INO80C: variants seen among roughly 807,000 people sequenced by gnomAD.
The protein encoded by INO80C is INO80 complex subunit C, also known as IES6 homolog.
Under a neutral mutation model 17.7 loss-of-function variants are expected in INO80C, and 17 were observed. The ratio of observed to expected loss-of-function variants is 0.96; its 90% CI spans 0.66 to 1.44. The LOEUF (loss-of-function observed/expected upper bound fraction) is 1.44, where lower values mean the gene tolerates loss of function less well. Among genes scored for constraint, INO80C ranks in the 40% most tolerant of loss-of-function variants. INO80C has a pLI of 0.00. For synonymous variants in INO80C, 96 were observed against 95.8 expected (o/e 1.00, Z -0.01); for missense variants, 244 against 245.0 (o/e 1.00, Z 0.03).
intron 1 of INO80C, among the ~76,000 whole-genome samples, chr18:35,494,121 T>C (rs1038816527): frequency 1.3e-5 from 2 of 152,200 alleles, no homozygotes; most frequent in Admixed American, 1.3e-4. Context: ...TGAGGAATCA[T>C]CCTCCTGTGT....
intron 1 of INO80C, among the ~76,000 whole-genome samples, chr18:35,494,638 G>C (rs367953496): frequency 6.6e-6 from 1 of 152,258 alleles, no homozygotes; most frequent in Non-Finnish European, 1.5e-5. Context: ...CCAACAACCT[G>C]AATTCACCTG....
At chr18:35,468,889 C>T in intron 4 of INO80C, 147 bp from the exon 5 acceptor site, 1 of 716,630 alleles carries the variant, frequency 1.4e-6, no homozygotes. Context: ...CTAAATCACT[C>T]ACTGTGGCAC....
rs767638344 is a variant in INO80C, at chr18:35,478,298, T to A, written c.431A>T (p.Asp144Val). 2 of 1,601,542 alleles carry A rather than the reference T, an allele frequency of 1.2e-6. No individual in the cohort carries two copies. Among genetic ancestry groups the A allele is most frequent in the South Asian group, 2.2e-5 (2 of 90,262 alleles). ...PSFKPAKKYS[D>V]VSGLLANYTD... ...CATACTCACAAGCAGACCTGAAACA[T>A]CAGAATACTTCTTAGCTGGCTTAAA... is the stretch of plus-strand genomic sequence containing the variant. The change falls in exon 4 of 5, where the codon GAT (aspartate) becomes GTT (valine). Residue 144 changes from aspartate to valine, a missense_variant. By Grantham distance (152) the Asp-to-Val change is radical (BLOSUM62 -3). Transcript: ENST00000334598.
intron 4 of INO80C, among the ~76,000 whole-genome samples, chr18:35,470,483 G>A (rs2144021384): frequency 6.6e-6 from 1 of 152,306 alleles, no homozygotes; most frequent in South Asian, 2.1e-4. Flanking sequence ...TCCTGGCAGT[G>A]AGGGAAGTTA....
At position 35,497,725 on chromosome 18, in the gene INO80C, A is replaced by G; in HGVS notation, c.150T>C (p.Phe50=). The G allele has an allele frequency of 1.2e-6, 2 of 1,611,988 alleles. No homozygotes were observed. Among genetic ancestry groups the G allele is most frequent in the Non-Finnish European group, 1.7e-6 (2 of 1,179,304 alleles). ...TGGGAGCGCGACTGCGTACCTGCGC[A>G]AAGCTGGAAGCGGACGCTTTTTTCT... ...SKKKKASASS[F]AQGISMEAMS... is the part of the protein sequence containing the mutation. The change falls in exon 1 of 5, where the codon TTT becomes TTC. Residue 50 remains phenylalanine (F), a synonymous_variant. Transcript: ENST00000334598.
At chr18:35,469,234 G>A (rs2045640062) in intron 4 of INO80C, among the ~76,000 whole-genome samples, 1 of 152,170 alleles carries the variant, frequency 6.6e-6, no homozygotes, top group Non-Finnish European at 1.5e-5. Context: ...CAACTCTGTA[G>A]TGCATCACCA....
chr18:35,478,403 C>T, intron 3 of INO80C, 54 bp from the exon 4 acceptor site: 2 of 1,330,100 alleles, frequency 1.5e-6, no homozygotes, highest in South Asian at 1.4e-5. Flanking sequence ...CATTCAAATC[C>T]CTTCTCTTTT....
rs2045629297 is a variant in INO80C at position 35,468,518 on chromosome 18, T to C, written c.*93A>G. 6 of 1,584,890 alleles carry C rather than the reference T, an allele frequency of 3.8e-6. No homozygotes were observed. The Admixed American group carries it at 1.1e-4, about 28-fold the overall frequency. ...AGGCACAGCACTGGCATTTTCAGAT[T>C]GACAGCAGAACGAGTTTGTTTCCGT... is the stretch of plus-strand genomic sequence containing the variant. On this transcript the variant is annotated 3_prime_UTR_variant, in exon 5 of 5. Transcript: ENST00000334598.
In INO80C at chr18:35,480,312, A is replaced by T. The variant is rs562947348; in HGVS notation, c.267+141T>A. The stretch of plus-strand genomic sequence containing the variant: ...CAGAAAGAACCCTTCTCTTGTCCCC[A>T]TCTTGCCCATAGGGGAGAAGGAGGT... On this transcript the variant is annotated intron_variant, in intron 2 of 4. Transcript: ENST00000334598. The T allele has an allele frequency of 7.7e-5, 51 of 660,988 alleles. No homozygotes were observed. The East Asian group carries it at 1.3e-3, about 17-fold the overall frequency. The allele number at this position is 660,988 out of a possible 1,614,324, so 40.9% of individuals were successfully genotyped here. A position where few individuals can be genotyped will look rare whatever the true frequency, so the allele number is the denominator to read the frequency against.
intron 1 of INO80C, among the ~76,000 whole-genome samples, chr18:35,483,156 T>C (rs2045833781): frequency 6.6e-6 from 1 of 152,242 alleles, no homozygotes; most frequent in South Asian, 2.1e-4. Context: ...AGTTTTAATT[T>C]TACAACAAAG....
intron 1 of INO80C, among the ~76,000 whole-genome samples, chr18:35,481,070 T>C (rs895191099): frequency 6.6e-6 from 1 of 152,082 alleles, no homozygotes; most frequent in Non-Finnish European, 1.5e-5. Context: ...ACAACAAAGG[T>C]CCAGCCCCTT....
chr18:35,479,153 A>C, intron 3 of INO80C, 147 bp downstream of exon 3: 1 of 596,248 alleles, frequency 1.7e-6, no homozygotes, highest in Admixed American at 3.1e-5. Context: ...ATACACACAT[A>C]ATCTGCCCAG....
At chr18:35,492,972 T>G (rs903759554) in intron 1 of INO80C, among the ~76,000 whole-genome samples, 1 of 152,208 alleles carries the variant, frequency 6.6e-6, no homozygotes, top group African/African-American at 2.4e-5. Flanking sequence ...GAGATCTAAT[T>G]AATAATCTTC....
chr18:35,490,359 T>G (rs2045921677), intron 1 of INO80C, among the ~76,000 whole-genome samples: 1 of 152,096 alleles, frequency 6.6e-6, no homozygotes, highest in African/African-American at 2.4e-5. Flanking sequence ...GCAGGAGAGA[T>G]AACCCTGAGA....
chr18:35,471,018 G>C (rs1041656475), intron 4 of INO80C, among the ~76,000 whole-genome samples: 8 of 152,194 alleles, frequency 5.3e-5, no homozygotes, highest in African/African-American at 1.9e-4. Flanking sequence ...TCATAGCTCT[G>C]TAACGAGTGC....
At chr18:35,489,599 C>T (rs1167255475) in intron 1 of INO80C, among the ~76,000 whole-genome samples, 1 of 152,052 alleles carries the variant, frequency 6.6e-6, no homozygotes, top group East Asian at 1.9e-4. Flanking sequence ...AGGGGCACAG[C>T]CAAACCATAT....
At chr18:35,492,093 T>TTCTG (rs368189994) in intron 1 of INO80C, among the ~76,000 whole-genome samples, 23 of 152,362 alleles carry the variant, frequency 1.5e-4, no homozygotes, top group African/African-American at 5.5e-4. Context: ...AATTTGGACA[T>TTCTG]TCTGTCTGTG....
At chr18:35,472,908 T>C (rs9955182) in intron 4 of INO80C, among the ~76,000 whole-genome samples, 56 of 152,366 alleles carry the variant, frequency 3.7e-4, no homozygotes, top group African/African-American at 1.2e-3. Flanking sequence ...TTCTGTGGGA[T>C]TGTCCTTTAA....
chr18:35,480,652 C>T, intron 1 of INO80C, 89 bp from the exon 2 acceptor site: 1 of 996,758 alleles, frequency 1.0e-6, no homozygotes, highest in Non-Finnish European at 1.6e-6. Context: ...ACGATGATGC[C>T]ACAGGGCATG....
Sources: allele counts gnomAD v4.1 joint callset (sites outside exome capture counted in the v4.1 genomes callset), GRCh38; gene constraint gnomAD v4.1.1; transcripts MANE v1.5; gene names NCBI Gene and HGNC (gene_info 2026-07-23, HGNC 2026-07-21).